The following BPTF variants were observed in gnomAD, a reference collection of about 807,000 sequenced individuals.
BPTF encodes bromodomain PHD finger transcription factor.
A neutral mutation model predicts 292.5 loss-of-function variants in BPTF; 18 were observed. The observed-to-expected ratio is 0.06, with a 90% CI of 0.04 to 0.09. BPTF has a LOEUF of 0.09. Among genes scored for constraint, BPTF ranks in the 10% least tolerant of loss-of-function variants. The pLI is 1.00. For synonymous variants in BPTF, 1,225 were observed against 1,251.9 expected (o/e 0.98, Z 0.45); for missense variants, 2,726 against 3,498.7 (o/e 0.78, Z 5.57).
At chr17:67,846,868 T>C (rs1489112598) in intron 1 of BPTF, among the ~76,000 whole-genome samples, 1 of 152,122 alleles carries the variant, frequency 6.6e-6, no homozygotes, top group African/African-American at 2.4e-5. Flanking sequence ...ACCCAGCTAA[T>C]TTTTGTTATT....
chr17:67,866,767 A>G (rs1288560720), intron 3 of BPTF, 80 bp downstream of exon 3: 1 of 1,132,560 alleles, frequency 8.8e-7, no homozygotes, highest in African/African-American at 1.6e-5. Context: ...AAATTTGAAA[A>G]TAGATTAAAA....
At chr17:67,892,179 T>G (rs1337924711) in intron 5 of BPTF, 145 bp downstream of exon 5, 2 of 654,076 alleles carry the variant, frequency 3.1e-6, no homozygotes, top group Non-Finnish European at 4.8e-6. Context: ...ACTGTAGTAG[T>G]TAACAAGACT....
chr17:67,930,693 C>T (rs1257861732), intron 17 of BPTF, among the ~76,000 whole-genome samples: 1 of 152,004 alleles, frequency 6.6e-6, no homozygotes, highest in African/African-American at 2.4e-5. Flanking sequence ...CCTGTAATGC[C>T]AGCACTTTGG....
intron 15 of BPTF, among the ~76,000 whole-genome samples, chr17:67,926,858 C>T (rs1283437987): frequency 6.6e-6 from 1 of 151,156 alleles, no homozygotes; most frequent in Admixed American, 6.6e-5. Context: ...CGGCCTCAGC[C>T]TCCTGAGTAG....
In BPTF at chr17:67,852,426, G is replaced by T. The variant is rs528777087; in HGVS notation, c.614-1514G>T. Among the ~76,000 whole-genome samples the T allele has an allele frequency of 3.3e-5, 5 of 151,090 alleles. No individual in the cohort carries two copies. In the South Asian group the frequency reaches 6.3e-4, roughly 19 times the overall value. ...AAAAAGATTCTTATATGACCTCTTAGATATATATATACCTTATCACTATCC... is the reference window on the plus strand; with the variant it reads ...AAAAAGATTCTTATATGACCTCTTATATATATATATACCTTATCACTATCC... On this transcript the variant is annotated intron_variant, in intron 1 of 27. Transcript: ENST00000306378.
intron 2 of BPTF, among the ~76,000 whole-genome samples, chr17:67,855,995 T>C (rs992758518): frequency 4.6e-5 from 7 of 152,304 alleles, no homozygotes; most frequent in East Asian, 3.9e-4. Context: ...CCACGAGGTA[T>C]TTTTGGTGGG....
At chr17:67,973,896 GT>G (rs148885231) in intron 26 of BPTF, 1 of 151,828 alleles carries the variant, frequency 6.6e-6, no homozygotes, top group African/African-American at 2.4e-5. Context: ...AGTTAAATCT[GT>G]TCCTGTTTTG....
At chr17:67,860,999 C>A (rs1364664064) in intron 2 of BPTF, among the ~76,000 whole-genome samples, 1 of 152,184 alleles carries the variant, frequency 6.6e-6, no homozygotes, top group Non-Finnish European at 1.5e-5. Context: ...TTCCTTCTGT[C>A]CACGTTCAGT....
chr17:67,862,069 A>G (rs2059117704), intron 2 of BPTF, among the ~76,000 whole-genome samples: 1 of 152,108 alleles, frequency 6.6e-6, no homozygotes, highest in African/African-American at 2.4e-5. Flanking sequence ...TCCGCCTCCC[A>G]GGTTCAAGTG....
At chr17:67,919,856 T>C (rs1406102398) in intron 12 of BPTF, among the ~76,000 whole-genome samples, 159 bp from the exon 13 acceptor site, 1 of 152,216 alleles carries the variant, frequency 6.6e-6, no homozygotes, top group Non-Finnish European at 1.5e-5. Context: ...TGTTGCAGTC[T>C]AGCAGTGATC....
intron 1 of BPTF, among the ~76,000 whole-genome samples, chr17:67,828,562 C>T (rs1033274605): frequency 2.6e-5 from 4 of 152,172 alleles, no homozygotes; most frequent in African/African-American, 7.2e-5. Context: ...GAGTTTTGCT[C>T]TTGCTGCCCA....
At chr17:67,940,732 TA>T in intron 19 of BPTF, 76 bp downstream of exon 19, 1 of 1,444,062 alleles carries the variant, frequency 6.9e-7, no homozygotes, top group Non-Finnish European at 9.5e-7. Context: ...AACATGAACT[TA>T]TTTTGATACG....
chr17:67,932,798 A>G (rs1358558715), intron 18 of BPTF, among the ~76,000 whole-genome samples: 1 of 152,154 alleles, frequency 6.6e-6, no homozygotes, highest in African/African-American at 2.4e-5. Flanking sequence ...AAAAGCTACA[A>G]AAGATAAAAA....
chr17:67,973,869 A>G (rs184830336), intron 26 of BPTF: 3 of 151,962 alleles, frequency 2.0e-5, no homozygotes, highest in African/African-American at 7.2e-5. Flanking sequence ...TATATGTGAA[A>G]TTCTTATACT....
chr17:67,893,863 G>T (rs1235810505), intron 6 of BPTF, 138 bp downstream of exon 6: 1 of 1,122,306 alleles, frequency 8.9e-7, no homozygotes, highest in Non-Finnish European at 1.3e-6. Context: ...GACATTAGAG[G>T]CATGAGTGTA....
At chr17:67,926,963 GA>G (rs1375104477) in intron 15 of BPTF, among the ~76,000 whole-genome samples, 2 of 151,550 alleles carry the variant, frequency 1.3e-5, no homozygotes, top group Non-Finnish European at 2.9e-5. Flanking sequence ...ATGTCTCTAA[GA>G]GTTGAAAACT....
Position 67,964,416 on chromosome 17 carries a change from C to T in BPTF, c.8454+12C>T, listed in dbSNP as rs1233464020. 6.3e-7 allele frequency: 1 copy of T among 1,583,228 alleles called. No homozygotes were observed. Among genetic ancestry groups the T allele is most frequent in the Non-Finnish European group, 8.6e-7 (1 of 1,159,420 alleles). ...TCCGTTCCTTACAGGTGAGACCCCT[C>T]TGTGTGCAGCATTTCAAAATGAAAT... On this transcript the variant is annotated intron_variant, in intron 25 of 27. Coordinates refer to ENST00000306378, the MANE Select transcript of BPTF (RefSeq NM_182641.4).
intron 23 of BPTF, among the ~76,000 whole-genome samples, chr17:67,952,554 C>T (rs1393886653): frequency 6.6e-6 from 1 of 152,130 alleles, no homozygotes; most frequent in Non-Finnish European, 1.5e-5. Context: ...TGAGCCACCA[C>T]GCCCAGCCAA....
At chr17:67,867,667 T>C (rs192477380) in intron 3 of BPTF, among the ~76,000 whole-genome samples, 4 of 151,900 alleles carry the variant, frequency 2.6e-5, no homozygotes, top group Non-Finnish European at 5.9e-5. Flanking sequence ...TTGGGAGGAG[T>C]AGTGGTTAGG....
Sources: allele counts gnomAD v4.1 joint callset (sites outside exome capture counted in the v4.1 genomes callset), GRCh38; gene constraint gnomAD v4.1.1; transcripts MANE v1.5; gene names NCBI Gene and HGNC (gene_info 2026-07-23, HGNC 2026-07-21).